GAK: variants seen among roughly 807,000 people sequenced by gnomAD.
The protein encoded by GAK is cyclin G associated kinase, also known as cyclin-G-associated kinase.
GAK carries 79 observed loss-of-function variants against 143.9 expected under a neutral mutation model. That is an observed-to-expected ratio of 0.55 (90% CI 0.46 to 0.66). GAK has a LOEUF of 0.66. Among genes scored for constraint, GAK ranks in the 30% least tolerant of loss-of-function variants. The probability of loss-of-function intolerance (pLI) is 0.00; values close to 1 mark genes in which losing one functional copy is unlikely to be tolerated. For missense variants in GAK, 1,693 were observed against 1,779.7 expected, an observed-to-expected ratio of 0.95 and a Z score of 0.88; for synonymous variants, 881 against 765.5, an observed-to-expected ratio of 1.15 and a Z score of -2.49.
chr4:876,343 C>T (rs1713870300), intron 18 of GAK, among the ~76,000 whole-genome samples, 187 bp downstream of exon 18: 1 of 152,188 alleles, frequency 6.6e-6, no homozygotes, highest in African/African-American at 2.4e-5. Context: ...GAGCAGCAGC[C>T]ACCGGGTCCA....
intron 1 of GAK, among the ~76,000 whole-genome samples, chr4:914,457 C>T (rs1376617702): frequency 9.9e-6 from 1 of 101,000 alleles, no homozygotes; most frequent in African/African-American, 4.1e-5. Context: ...ACACACACAG[C>T]CCCAGTGTGC....
intron 15 of GAK, among the ~76,000 whole-genome samples, 163 bp from the exon 16 acceptor site, chr4:877,972 T>G (rs998946800): frequency 6.6e-6 from 1 of 151,582 alleles, no homozygotes; most frequent in African/African-American, 2.4e-5. Flanking sequence ...TTTAGTTATA[T>G]ATATATGTGT....
At chr4:875,115 G>C (rs1418451603) in intron 18 of GAK, among the ~76,000 whole-genome samples, 1 of 152,088 alleles carries the variant, frequency 6.6e-6, no homozygotes, top group Non-Finnish European at 1.5e-5. Context: ...CCTGCCTCCT[G>C]CCTCCAGCAT....
chr4:920,063 G>C lies in GAK; in HGVS notation c.146-6395C>G, dbSNP rs138862298. On this transcript the variant is annotated intron_variant, in intron 1 of 27. Coordinates refer to ENST00000314167, the MANE Select transcript of GAK (RefSeq NM_005255.4). ...GCAGTGGCTCAGGCCTGTAATCTCA[G>C]CACTTTGGCAGACTGAGGAGGGCGG... Among the ~76,000 whole-genome samples the C allele has an allele frequency of 9.2e-5, 14 of 152,246 alleles. No homozygotes were observed. The East Asian group carries it at 2.7e-3, about 29-fold the overall frequency.
intron 15 of GAK, among the ~76,000 whole-genome samples, chr4:878,596 G>A (rs140888640): frequency 6.6e-6 from 1 of 152,298 alleles, no homozygotes; most frequent in Non-Finnish European, 1.5e-5. Context: ...ATCCCTGCTG[G>A]TGGTCTGTCT....
Position 867,323 on chromosome 4 carries a change from C to G in GAK, c.2505G>C (p.Pro835=). The G allele has an allele frequency of 6.2e-7, 1 of 1,610,712 alleles. No homozygotes were observed. Among genetic ancestry groups the G allele is most frequent in the Non-Finnish European group, 8.5e-7 (1 of 1,178,126 alleles). Reference sequence around the variant, plus strand: ...TGGGTTCCTGGCCCTCGCTGGAGATCGGGGATCCCCCTTCATCTGACACCT... The same window carrying G: ...TGGGTTCCTGGCCCTCGCTGGAGATGGGGGATCCCCCTTCATCTGACACCT... ...ESEVSDEGGS[P]ISSEGQEPRA... Residue 835 remains proline, a synonymous_variant, in exon 21 of 28, where the codon CCG becomes CCC. Transcript: ENST00000314167.
chr4:900,470 C>T (rs1719660203), intron 5 of GAK, among the ~76,000 whole-genome samples: 1 of 152,196 alleles, frequency 6.6e-6, no homozygotes, highest in Non-Finnish European at 1.5e-5. Flanking sequence ...TTCACCAATT[C>T]AACCCTTCTG....
At chr4:864,132 A>G (rs1000147303) in intron 23 of GAK, among the ~76,000 whole-genome samples, 35 of 152,168 alleles carry the variant, frequency 2.3e-4, no homozygotes, top group Non-Finnish European at 4.4e-5. Context: ...GCTGAGGTGC[A>G]TGCATCGCCT....
intron 18 of GAK, among the ~76,000 whole-genome samples, chr4:873,647 C>T (rs182450580): frequency 1.1e-3 from 167 of 152,306 alleles, no homozygotes; most frequent in Non-Finnish European, 1.7e-3. Flanking sequence ...GCCCCTGCAA[C>T]GTCACCCGTC....
intron 4 of GAK, among the ~76,000 whole-genome samples, chr4:905,381 G>A (rs1455583773): frequency 9.2e-5 from 14 of 152,154 alleles, no homozygotes; most frequent in South Asian, 2.1e-4. Context: ...CATCATCACC[G>A]TGGAGCAATC....
At chr4:909,218 C>T (rs1721601577) in intron 4 of GAK, among the ~76,000 whole-genome samples, 1 of 152,260 alleles carries the variant, frequency 6.6e-6, no homozygotes, top group South Asian at 2.1e-4. Context: ...AGTAACACCA[C>T]GAGCGGGAGG....
chr4:906,870 A>AG (rs1287132534), intron 4 of GAK, among the ~76,000 whole-genome samples: 2 of 152,164 alleles, frequency 1.3e-5, no homozygotes, highest in Non-Finnish European at 2.9e-5. Context: ...TCCCTGCCTC[A>AG]GGACCCCTCA....
At chr4:894,691 G>A (rs946056149) in intron 7 of GAK, 1 of 152,188 alleles carries the variant, frequency 6.6e-6, no homozygotes, top group Non-Finnish European at 1.5e-5. Context: ...AGATTAAAAA[G>A]TTCCGTTCAG....
intron 18 of GAK, among the ~76,000 whole-genome samples, chr4:871,514 G>C (rs1039309794): frequency 6.6e-6 from 1 of 152,264 alleles, no homozygotes; most frequent in Non-Finnish European, 1.5e-5. Flanking sequence ...CCGGCTGCCA[G>C]GGAATTGGGA....
At chr4:907,155 A>G (rs774679554) in intron 4 of GAK, among the ~76,000 whole-genome samples, 6 of 152,172 alleles carry the variant, frequency 3.9e-5, no homozygotes, top group Non-Finnish European at 7.3e-5. Context: ...GACCTGCCAC[A>G]GCTCAGGCTG....
intron 1 of GAK, among the ~76,000 whole-genome samples, chr4:921,126 G>A (rs781626710): frequency 1.9e-4 from 29 of 151,440 alleles, no homozygotes; most frequent in South Asian, 4.2e-4. Context: ...TTTTTGAGAC[G>A]GAGTCTCGCT....
chr4:866,884 T>G (rs1577078997), intron 21 of GAK, 72 bp downstream of exon 21: 1 of 1,150,124 alleles, frequency 8.7e-7, no homozygotes, highest in East Asian at 2.5e-5. Context: ...AACACGCCCA[T>G]GCAGTGAGAA....
chr4:896,520 T>C lies in GAK; in HGVS notation c.681A>G (p.Arg227=). The change falls in exon 7 of 28, where the codon AGA becomes AGG. Residue 227 remains arginine, a synonymous_variant. Transcript: ENST00000314167. The stretch of plus-strand genomic sequence containing the variant: ...AATACAAGTCTATGATTTCTGGTGT[T>C]CTATACATTGGTGTTGTATTCCTCG... The part of the protein sequence containing the change: ...EITRNTTPMY[R]TPEIIDLYSN... 6.2e-7 allele frequency: 1 copy of C among 1,613,908 alleles called. No homozygotes were observed. Among genetic ancestry groups the C allele is most frequent in the Non-Finnish European group, 8.5e-7 (1 of 1,179,756 alleles).
At chr4:856,050 G>C (rs1292607492) in intron 24 of GAK, among the ~76,000 whole-genome samples, 1 of 152,196 alleles carries the variant, frequency 6.6e-6, no homozygotes, top group Non-Finnish European at 1.5e-5. Flanking sequence ...TGCAATAATA[G>C]CTCAGGCCAG....
Sources: allele counts gnomAD v4.1 joint callset (sites outside exome capture counted in the v4.1 genomes callset), GRCh38; gene constraint gnomAD v4.1.1; transcripts MANE v1.5; gene names NCBI Gene and HGNC (gene_info 2026-07-23, HGNC 2026-07-21).